The following KCNA3 variants were observed in gnomAD, a reference collection of about 807,000 sequenced individuals.
KCNA3 encodes the protein potassium voltage-gated channel subfamily A member 3.
KCNA3 carries 18 observed loss-of-function variants against 34.3 expected under a neutral mutation model. The ratio of observed to expected loss-of-function variants is 0.52; its 90% CI spans 0.36 to 0.78. The LOEUF is 0.78. Ranked by LOEUF, KCNA3 falls within the 30% of genes least tolerant of loss-of-function variation. The pLI is 0.00. For missense variants in KCNA3, 587 were observed against 802.5 expected (o/e 0.73, Z 3.24); for synonymous variants, 324 against 351.7 (o/e 0.92, Z 0.88).
chr1:110,665,515 A>C, the KCNA3 span, among the ~76,000 whole-genome samples: 1 of 152,090 alleles, frequency 6.6e-6, no homozygotes, highest in Non-Finnish European at 1.5e-5. Flanking sequence ...AGAGGGGAGA[A>C]GGACGGAAGC....
chr1:110,657,444 T>G, the KCNA3 span, among the ~76,000 whole-genome samples: 1 of 152,152 alleles, frequency 6.6e-6, no homozygotes, highest in Non-Finnish European at 1.5e-5. Context: ...CATCTTGCAA[T>G]TCAAGCCTGC....
chr1:110,662,001 T>C, the KCNA3 span, among the ~76,000 whole-genome samples: 1 of 149,494 alleles, frequency 6.7e-6, no homozygotes, highest in Non-Finnish European at 1.5e-5. Flanking sequence ...TAGTCACAGC[T>C]ACCCGGGAGG....
chr1:110,670,204 GC>G (rs1452166121), downstream of KCNA3, among the ~76,000 whole-genome samples: 2 of 152,130 alleles, frequency 1.3e-5, no homozygotes, highest in Non-Finnish European at 2.9e-5. Flanking sequence ...TAAGATAACA[GC>G]CATTCACTCA....
the KCNA3 span, among the ~76,000 whole-genome samples, chr1:110,660,868 C>CA: frequency 6.6e-6 from 1 of 152,122 alleles, no homozygotes; most frequent in Non-Finnish European, 1.5e-5. Flanking sequence ...TAGTGTTTGG[C>CA]ATATAGTAGA....
the KCNA3 span, among the ~76,000 whole-genome samples, chr1:110,658,277 T>C: frequency 6.6e-6 from 1 of 152,226 alleles, no homozygotes; most frequent in Non-Finnish European, 1.5e-5. Context: ...ATTTATAATC[T>C]TGGCTTTGCT....
chr1:110,671,678 T>A (rs989125599), downstream of KCNA3, among the ~76,000 whole-genome samples: 1 of 150,136 alleles, frequency 6.7e-6, no homozygotes, highest in South Asian at 2.1e-4. Flanking sequence ...GGATCTGTAT[T>A]TTTTTTTTTA....
chr1:110,672,816 T>G lies in KCNA3; in HGVS notation c.*266A>C. On this transcript the variant is annotated 3_prime_UTR_variant, in exon 1 of 1. Transcript: ENST00000369769. The stretch of plus-strand genomic sequence containing the variant: ...TTTTAAATAGGGCGTGTACTAGAAA[T>G]GAAGTTTAACGTAAGTCTGTTGTTT... 2.5e-6 allele frequency: 1 copy of G among 394,978 alleles called. No individual in the cohort carries two copies. The highest frequency in any genetic ancestry group is 4.5e-6 in the Non-Finnish European group (1 of 221,032). The allele number at this position is 394,978 out of a possible 1,614,324, so 24.5% of individuals were successfully genotyped here.
the KCNA3 span, among the ~76,000 whole-genome samples, chr1:110,658,954 G>A: frequency 1.3e-5 from 2 of 152,016 alleles, no homozygotes; most frequent in Non-Finnish European, 2.9e-5. Context: ...AAAAATAAAA[G>A]AATGTTTAAT....
At chr1:110,669,221 A>C (rs1651796661), downstream of KCNA3, among the ~76,000 whole-genome samples, 1 of 152,200 alleles carries the variant, frequency 6.6e-6, no homozygotes, top group African/African-American at 2.4e-5. Context: ...AATGAAGCAA[A>C]GCATAAGGAG....
At chr1:110,660,653 C>T in the KCNA3 span, among the ~76,000 whole-genome samples, 6 of 152,136 alleles carry the variant, frequency 3.9e-5, no homozygotes, top group Admixed American at 3.9e-4. Context: ...ATGAACTCTG[C>T]ACAGTTATGT....
the KCNA3 span, chr1:110,655,810 A>C: frequency 6.6e-6 from 1 of 152,136 alleles, no homozygotes; most frequent in African/African-American, 2.4e-5. Context: ...GTATCATTCT[A>C]ATATCTTTCC....
chr1:110,665,195 T>C, the KCNA3 span, among the ~76,000 whole-genome samples: 2 of 152,190 alleles, frequency 1.3e-5, no homozygotes. Context: ...AAAGAATCAC[T>C]CTGGTTATGT....
the KCNA3 span, among the ~76,000 whole-genome samples, chr1:110,658,187 C>T: frequency 6.6e-6 from 1 of 152,174 alleles, no homozygotes; most frequent in Non-Finnish European, 1.5e-5. Context: ...TGTTTCGCTG[C>T]AGGTATAAGA....
downstream of KCNA3, among the ~76,000 whole-genome samples, chr1:110,670,355 A>G (rs1434821859): frequency 6.6e-6 from 1 of 152,204 alleles, no homozygotes; most frequent in Non-Finnish European, 1.5e-5. Context: ...GTCAAAAGCC[A>G]GGATATTTCT....
the KCNA3 span, among the ~76,000 whole-genome samples, chr1:110,666,056 A>C: frequency 1.3e-5 from 2 of 152,156 alleles, no homozygotes; most frequent in African/African-American, 4.8e-5. Context: ...ACACAAATAA[A>C]TATAAAATTA....
In KCNA3 at chr1:110,674,465, G is replaced by A; in HGVS notation, c.345C>T (p.Phe115=). ...GGCAAAGGGTCTTCAGCTGCGTCTCGAAGCGCAGCCCGGAGATGTTGATGA... is the reference window on the plus strand; with the variant it reads ...GGCAAAGGGTCTTCAGCTGCGTCTCAAAGCGCAGCCCGGAGATGTTGATGA... The part of the protein sequence containing the change: ...RVVINISGLR[F]ETQLKTLCQF... The change falls in exon 1 of 1, where the codon TTC becomes TTT. Residue 115 remains phenylalanine (F), a synonymous_variant. Transcript: ENST00000369769. The surrounding 1 kb of genome is among the most constrained non-coding windows in gnomAD (Gnocchi z 6.4). The A allele has an allele frequency of 1.2e-6, 2 of 1,614,020 alleles. No individual in the cohort carries two copies. Among genetic ancestry groups the A allele is most frequent in the Non-Finnish European group, 1.7e-6 (2 of 1,179,962 alleles).
chr1:110,664,777 A>G, the KCNA3 span, among the ~76,000 whole-genome samples: 1 of 152,222 alleles, frequency 6.6e-6, no homozygotes, highest in African/African-American at 2.4e-5. Flanking sequence ...AATACATTAG[A>G]GGGAAAAATA....
the KCNA3 span, among the ~76,000 whole-genome samples, chr1:110,660,219 T>C: frequency 3.3e-5 from 5 of 152,238 alleles, no homozygotes; most frequent in African/African-American, 9.6e-5. Context: ...ATTTGTAAGT[T>C]AGAAAACGTT....
At chr1:110,660,973 A>G in the KCNA3 span, among the ~76,000 whole-genome samples, 6 of 152,220 alleles carry the variant, frequency 3.9e-5, no homozygotes, top group African/African-American at 1.4e-4. Flanking sequence ...GAATACATAA[A>G]TGGATATATA....
Sources: allele counts gnomAD v4.1 joint callset (sites outside exome capture counted in the v4.1 genomes callset), GRCh38; gene constraint gnomAD v4.1.1; non-coding constraint Gnocchi (gnomAD v3.1); transcripts MANE v1.5; gene names NCBI Gene and HGNC (gene_info 2026-07-23, HGNC 2026-07-21).